COBLL1: variants seen among roughly 807,000 people sequenced by gnomAD.
The protein encoded by COBLL1 is cordon-bleu protein-like 1.
In COBLL1, 50 loss-of-function variants were observed where a neutral mutation model predicts 94.8. That is an observed-to-expected ratio of 0.53 (90% CI 0.42 to 0.67). The LOEUF is 0.67. Ranked by LOEUF, COBLL1 falls within the 30% of genes least tolerant of loss-of-function variation. The pLI, the probability that COBLL1 is intolerant of heterozygous loss-of-function variation, is 0.00. For synonymous variants in COBLL1, 448 were observed against 473.8 expected, an observed-to-expected ratio of 0.95 and a Z score of 0.71; for missense variants, 1,362 against 1,348.7, an observed-to-expected ratio of 1.01 and a Z score of -0.15.
At chr2:164,742,289 A>T (rs1324831732) in intron 3 of COBLL1, among the ~76,000 whole-genome samples, 3 of 152,112 alleles carry the variant, frequency 2.0e-5, no homozygotes, top group Non-Finnish European at 2.9e-5. Flanking sequence ...TTTCAAGAGT[A>T]TTTGTGATGA....
rs777682226 is a variant in COBLL1 at position 164,700,620 on chromosome 2, T to C, written c.1362A>G (p.Thr454=). ...IPFVSTDIIN[T]LKNDPDSALG... is the part of the protein sequence containing the mutation. ...GGGCTGAGTCAGGATCATTTTTCAG[T>C]GTATTTATTATATCAGTAGATACAA... The change falls in exon 10 of 14, where the codon ACA becomes ACG. Residue 454 remains threonine, a synonymous_variant. Transcript: ENST00000652658. The C allele has an allele frequency of 2.2e-5, 35 of 1,613,554 alleles. No homozygotes were observed. Among genetic ancestry groups the C allele is most frequent in the Non-Finnish European group, 2.6e-5 (31 of 1,179,666 alleles).
At chr2:164,789,142 A>G (rs1258472847) in intron 2 of COBLL1, among the ~76,000 whole-genome samples, 3 of 151,968 alleles carry the variant, frequency 2.0e-5, no homozygotes, top group Non-Finnish European at 4.4e-5. Flanking sequence ...TAGGAGTTCA[A>G]ATCCAGCCTG....
chr2:164,766,271 A>G (rs1011346393), intron 2 of COBLL1, among the ~76,000 whole-genome samples: 4 of 152,164 alleles, frequency 2.6e-5, no homozygotes, highest in African/African-American at 9.6e-5. Context: ...AAATCTTTGC[A>G]TATACCCTTT....
intron 2 of COBLL1, among the ~76,000 whole-genome samples, chr2:164,790,605 C>G (rs1683140663): frequency 6.6e-6 from 1 of 152,126 alleles, no homozygotes; most frequent in African/African-American, 2.4e-5. Flanking sequence ...AACCCAGTGA[C>G]AACACTGAGG....
downstream of COBLL1, among the ~76,000 whole-genome samples, chr2:164,679,801 G>C (rs1295071871): frequency 1.3e-5 from 2 of 151,844 alleles, no homozygotes; most frequent in Non-Finnish European, 1.5e-5. Flanking sequence ...GCGGGGGCTA[G>C]AGGAGGGATA....
At chr2:164,808,370 G>A (rs977601045) in intron 2 of COBLL1, among the ~76,000 whole-genome samples, 3 of 152,080 alleles carry the variant, frequency 2.0e-5, no homozygotes, top group Admixed American at 1.3e-4. Flanking sequence ...TCATGGTAAG[G>A]TTTACAATTT....
At chr2:164,717,159 GA>G (rs946359110) in intron 7 of COBLL1, among the ~76,000 whole-genome samples, 4 of 151,792 alleles carry the variant, frequency 2.6e-5, no homozygotes, top group African/African-American at 7.2e-5. Flanking sequence ...GTGCTTTGGA[GA>G]AAAAAAATGG....
chr2:164,785,588 GCAGGGGTTAATA>G (rs1688918036), intron 2 of COBLL1, among the ~76,000 whole-genome samples: 1 of 152,160 alleles, frequency 6.6e-6, no homozygotes, highest in Non-Finnish European at 1.5e-5. Context: ...ATAACTTCAA[GCAGGGGTTAATA>G]CAGGAAGTTA....
intron 7 of COBLL1, among the ~76,000 whole-genome samples, chr2:164,716,047 A>G (rs187051081): frequency 6.6e-6 from 1 of 152,300 alleles, no homozygotes; most frequent in Admixed American, 6.5e-5. Context: ...CAAATGTAAA[A>G]TCAGCTTATG....
At chr2:164,708,537 C>G (rs1684722334) in intron 7 of COBLL1, among the ~76,000 whole-genome samples, 1 of 152,096 alleles carries the variant, frequency 6.6e-6, no homozygotes, top group African/African-American at 2.4e-5. Flanking sequence ...TAAAACTTTC[C>G]CTTGATATCT....
chr2:164,707,948 C>T lies in COBLL1; in HGVS notation c.997-2843G>A, dbSNP rs72876798. On this transcript the variant is annotated intron_variant, in intron 7 of 13. Transcript: ENST00000652658. ...TGCCAGAGAGAAAGGGAAGCCTGCC[C>T]CCAAAGAAAAGGGTTTGAGTTAGCC... Among the ~76,000 whole-genome samples the T allele has an allele frequency of 6.2e-3, 943 of 151,952 alleles. 5 individuals carry two copies. Among genetic ancestry groups the T allele is most frequent in the Non-Finnish European group, 0.011 (718 of 67,952 alleles).
chr2:164,722,547 C>T (rs1475182452), intron 5 of COBLL1, 25 bp from the exon 6 acceptor site: 2 of 1,286,846 alleles, frequency 1.6e-6, no homozygotes, highest in East Asian at 4.9e-5. Context: ...AAGCATCTTA[C>T]TTTTGTATGT....
At chr2:164,722,597 T>C in intron 5 of COBLL1, 75 bp from the exon 6 acceptor site, 1 of 774,138 alleles carries the variant, frequency 1.3e-6, no homozygotes, top group South Asian at 2.4e-5. Flanking sequence ...TTCTCTTACT[T>C]CCCCTTTGCA....
At chr2:164,788,437 T>G (rs1305387732) in intron 2 of COBLL1, among the ~76,000 whole-genome samples, 1 of 152,126 alleles carries the variant, frequency 6.6e-6, no homozygotes, top group Admixed American at 6.5e-5. Context: ...ATGGAGGTTA[T>G]GAAAATTACA....
At chr2:164,672,766 A>G (rs1181803814) in intron 1 of COBLL1, among the ~76,000 whole-genome samples, 1 of 151,886 alleles carries the variant, frequency 6.6e-6, no homozygotes, top group Admixed American at 6.6e-5. Flanking sequence ...AATTCACAAT[A>G]TTGGTGTGAT....
chr2:164,778,345 G>T (rs1449290116), intron 2 of COBLL1, among the ~76,000 whole-genome samples: 3 of 152,192 alleles, frequency 2.0e-5, no homozygotes, highest in African/African-American at 7.2e-5. Flanking sequence ...AGTGGCTGAT[G>T]CCTGTAATCC....
At chr2:164,814,340 CA>C (rs1395476904) in intron 2 of COBLL1, among the ~76,000 whole-genome samples, 1 of 152,004 alleles carries the variant, frequency 6.6e-6, no homozygotes, top group East Asian at 1.9e-4. Flanking sequence ...TCTTAATAAA[CA>C]ATTGATTTTT....
At chr2:164,711,489 A>G (rs1360100775) in intron 7 of COBLL1, among the ~76,000 whole-genome samples, 1 of 152,216 alleles carries the variant, frequency 6.6e-6, no homozygotes, top group East Asian at 1.9e-4. Context: ...TGCTTAGTCT[A>G]CTGTATAAAC....
intron 2 of COBLL1, among the ~76,000 whole-genome samples, chr2:164,662,046 T>C (rs1006679435): frequency 7.2e-5 from 11 of 152,306 alleles, no homozygotes; most frequent in Non-Finnish European, 1.2e-4. Flanking sequence ...GTTACTGATA[T>C]TGTTTTTAAT....
Sources: allele counts gnomAD v4.1 joint callset (sites outside exome capture counted in the v4.1 genomes callset), GRCh38; gene constraint gnomAD v4.1.1; transcripts MANE v1.5; gene names NCBI Gene and HGNC (gene_info 2026-07-23, HGNC 2026-07-21).